NCEH1: variants seen among roughly 807,000 people sequenced by gnomAD.
NCEH1 encodes the protein neutral cholesterol ester hydrolase 1, also known as 2-acetyl MAGE hydrolase.
Under a neutral mutation model 25.4 loss-of-function variants are expected in NCEH1, and 9 were observed. The observed-to-expected ratio is 0.35, with a 90% confidence interval of 0.21 to 0.62. The LOEUF (loss-of-function observed/expected upper bound fraction) is 0.62. NCEH1 is among the 20% of genes least tolerant of loss of function. The pLI, the probability that NCEH1 is intolerant of heterozygous loss-of-function variation, is 0.72. For synonymous variants in NCEH1, 200 were observed against 199.8 expected, an observed-to-expected ratio of 1.00 and a Z score of -0.01; for missense variants, 412 against 501.1, an observed-to-expected ratio of 0.82 and a Z score of 1.70.
chr3:172,711,010 G>C lies in NCEH1; in HGVS notation c.-26C>G. 1 of 1,613,840 alleles carries C rather than the reference G, an allele frequency of 6.2e-7. No individual in the cohort carries two copies. The highest frequency in any genetic ancestry group is 8.5e-7 in the Non-Finnish European group (1 of 1,180,004). On this transcript the variant is annotated 5_prime_UTR_variant, in exon 1 of 5. Transcript: ENST00000475381. ...CTTGCCCTGGCTCGGCTCGCCAGCG[G>C]GCTGGCAAAGAGGAAAGGGCGATAC... is the stretch of plus-strand genomic sequence containing the variant.
intron 1 of NCEH1, among the ~76,000 whole-genome samples, chr3:172,675,323 A>AATTAATTAATTAATTAATT (rs1553835594): frequency 6.9e-6 from 1 of 144,686 alleles, no homozygotes; most frequent in African/African-American, 2.8e-5. Flanking sequence ...ATAAATAAAT[A>AATTAATTAATTAATTAATT]AATAAATAAA....
intron 1 of NCEH1, among the ~76,000 whole-genome samples, chr3:172,688,225 G>T (rs1349069361): frequency 6.6e-6 from 1 of 150,470 alleles, no homozygotes; most frequent in Non-Finnish European, 1.5e-5. Flanking sequence ...GGCTAGTCAG[G>T]AGGCTGAGGC....
intron 1 of NCEH1, among the ~76,000 whole-genome samples, chr3:172,657,032 TTTTC>T (rs557862297): frequency 8.3e-4 from 127 of 152,202 alleles, no homozygotes; most frequent in African/African-American, 2.9e-3. Flanking sequence ...CCCATTTTTA[TTTTC>T]TTTTTGTCTT....
intron 1 of NCEH1, among the ~76,000 whole-genome samples, chr3:172,703,436 G>A (rs1201090978): frequency 1.3e-5 from 2 of 148,202 alleles, no homozygotes; most frequent in Non-Finnish European, 3.0e-5. Flanking sequence ...GCTGAGGCGG[G>A]AGAACTGCTT....
At chr3:172,638,331 A>G (rs563960517) in intron 3 of NCEH1, among the ~76,000 whole-genome samples, 20 of 150,784 alleles carry the variant, frequency 1.3e-4, no homozygotes, top group Non-Finnish European at 2.2e-4. Context: ...GCCATATAGC[A>G]GATAAAATAA....
At chr3:172,676,281 G>A (rs75535298) in intron 1 of NCEH1, among the ~76,000 whole-genome samples, 2,164 of 152,184 alleles carry the variant, frequency 0.014, 25 homozygotes, top group African/African-American at 0.03. Context: ...TTGAAGGGCC[G>A]GGCCAGGAAG....
chr3:172,697,970 A>ATTTTTTTTTT (rs386398562), intron 1 of NCEH1, among the ~76,000 whole-genome samples: 1 of 101,094 alleles, frequency 9.9e-6, no homozygotes, highest in African/African-American at 4.1e-5. Flanking sequence ...TAAAAGCAGA[A>ATTTTTTTTTT]TTTTTTTTTT....
chr3:172,665,424 G>A (rs1718161861), intron 1 of NCEH1, among the ~76,000 whole-genome samples: 1 of 152,206 alleles, frequency 6.6e-6, no homozygotes, highest in Admixed American at 6.5e-5. Context: ...TCCCAGTTAG[G>A]CTACTGAGGG....
intron 1 of NCEH1, among the ~76,000 whole-genome samples, chr3:172,652,150 G>A (rs1005462903): frequency 2.0e-5 from 3 of 152,232 alleles, no homozygotes; most frequent in Non-Finnish European, 2.9e-5. Context: ...TGCAAGGTAT[G>A]TCTAGAAAGA....
rs796835886 is a variant in NCEH1, at chr3:172,653,744, G to GTTT, written c.139-5633_139-5631dup. 8.9e-4 allele frequency among the ~76,000 whole-genome samples: 85 copies of GTTT among 95,600 alleles called. 1 individual carries two copies. Among genetic ancestry groups the GTTT allele is most frequent in the African/African-American group, 2.3e-3 (56 of 23,888 alleles). 62.7% of individuals were successfully genotyped at this position (95,600 alleles called of 152,430 possible). On this transcript the variant is annotated intron_variant, in intron 1 of 4. Coordinates refer to ENST00000475381, the MANE Select transcript of NCEH1 (RefSeq NM_020792.6). Reference sequence around the variant, plus strand: ...TTGTTGTTGTTGTTCTGTTTTTTTTGTTTTTTTGTTTTTTTGTTTTTTTTT... The same window carrying GTTT: ...TTGTTGTTGTTGTTCTGTTTTTTTTGTTTTTTTTTTGTTTTTTTGTTTTTTTTT...
chr3:172,640,410 T>G (rs1716796258), intron 3 of NCEH1, among the ~76,000 whole-genome samples: 2 of 152,248 alleles, frequency 1.3e-5, no homozygotes, highest in South Asian at 2.1e-4. Flanking sequence ...GAGAATCTAT[T>G]TATTCCACTA....
intron 3 of NCEH1, among the ~76,000 whole-genome samples, chr3:172,642,784 C>G (rs1463391824): frequency 6.6e-6 from 1 of 152,060 alleles, no homozygotes; most frequent in Non-Finnish European, 1.5e-5. Flanking sequence ...TAAAATGATT[C>G]TCATGACAAT....
At chr3:172,664,571 A>G (rs1718118429) in intron 1 of NCEH1, among the ~76,000 whole-genome samples, 1 of 152,044 alleles carries the variant, frequency 6.6e-6, no homozygotes, top group Admixed American at 6.5e-5. Flanking sequence ...ACTTGGTTCC[A>G]TTCTCCCCGT....
At chr3:172,665,689 G>A (rs1222808242) in intron 1 of NCEH1, among the ~76,000 whole-genome samples, 2 of 152,218 alleles carry the variant, frequency 1.3e-5, no homozygotes, top group African/African-American at 4.8e-5. Flanking sequence ...CCTCAGCAAT[G>A]GTGGACACCC....
chr3:172,678,672 CTCAT>C (rs908765535), intron 1 of NCEH1, among the ~76,000 whole-genome samples: 2 of 151,414 alleles, frequency 1.3e-5, no homozygotes, highest in Non-Finnish European at 2.9e-5. Flanking sequence ...TTTTTACCTA[CTCAT>C]TCAAACATTT....
chr3:172,658,416 T>C (rs1430930880), intron 1 of NCEH1, among the ~76,000 whole-genome samples: 1 of 152,200 alleles, frequency 6.6e-6, no homozygotes, highest in Non-Finnish European at 1.5e-5. Context: ...ATTATTTTTG[T>C]AGAGGAAACC....
At chr3:172,691,338 C>T (rs1189803416) in intron 1 of NCEH1, among the ~76,000 whole-genome samples, 1 of 152,176 alleles carries the variant, frequency 6.6e-6, no homozygotes, top group East Asian at 1.9e-4. Flanking sequence ...AAACTTGTTG[C>T]ATTATCATTA....
chr3:172,666,496 C>T (rs2108509594), intron 1 of NCEH1, among the ~76,000 whole-genome samples: 1 of 152,316 alleles, frequency 6.6e-6, no homozygotes, highest in East Asian at 1.9e-4. Context: ...CCCTCTGTCT[C>T]TGTATGGGGG....
intron 1 of NCEH1, among the ~76,000 whole-genome samples, chr3:172,705,974 G>C (rs1713956363): frequency 1.4e-5 from 2 of 147,016 alleles, no homozygotes; most frequent in South Asian, 4.3e-4. Context: ...CTCCAGCCTG[G>C]GTGACACAGT....
Sources: gnomAD v4.1 joint callset for allele counts (sites outside exome capture counted in the v4.1 genomes callset) on GRCh38, gnomAD v4.1.1 for gene constraint, MANE v1.5 for transcripts, NCBI Gene and HGNC (gene_info 2026-07-23, HGNC 2026-07-21) for gene names.